The following SORCS1 variants were observed in gnomAD, a reference collection of about 807,000 sequenced individuals.
The protein encoded by SORCS1 is sortilin related VPS10 domain containing receptor 1.
Under a neutral mutation model 146.1 loss-of-function variants are expected in SORCS1, and 60 were observed. That is an observed-to-expected ratio of 0.41 (90% CI 0.33 to 0.51). The LOEUF is 0.51. SORCS1 is among the 20% of genes least tolerant of loss of function. The probability of loss-of-function intolerance (pLI) is 0.21; values close to 1 mark genes in which losing one functional copy is unlikely to be tolerated. For synonymous variants in SORCS1, 637 were observed against 584.0 expected (o/e 1.09, Z -1.31); for missense variants, 1,352 against 1,487.6 (o/e 0.91, Z 1.50).
intron 2 of SORCS1, among the ~76,000 whole-genome samples, chr10:106,939,013 T>G (rs1346305008): frequency 6.6e-6 from 1 of 152,216 alleles, no homozygotes; most frequent in African/African-American, 2.4e-5. Flanking sequence ...CCATGTAATG[T>G]AGAAGGAAGA....
intron 2 of SORCS1, among the ~76,000 whole-genome samples, chr10:106,926,017 A>G (rs1303847511): frequency 6.6e-6 from 1 of 152,246 alleles, no homozygotes; most frequent in Non-Finnish European, 1.5e-5. Context: ...GAAGAAAAAA[A>G]AGACTGAAAA....
intron 1 of SORCS1, among the ~76,000 whole-genome samples, chr10:107,020,901 C>A (rs1285765044): frequency 6.6e-6 from 1 of 152,198 alleles, no homozygotes; most frequent in Non-Finnish European, 1.5e-5. Context: ...TCTCTATATA[C>A]ATTGTACACG....
chr10:106,788,876 G>T (rs1005686883), intron 3 of SORCS1, among the ~76,000 whole-genome samples: 1 of 152,202 alleles, frequency 6.6e-6, no homozygotes, highest in Non-Finnish European at 1.5e-5. Context: ...CTGTGTGGGG[G>T]CACTGACCCA....
chr10:107,021,287 T>A (rs1057132922), intron 1 of SORCS1, among the ~76,000 whole-genome samples: 12 of 151,800 alleles, frequency 7.9e-5, no homozygotes, highest in Non-Finnish European at 1.6e-4. Flanking sequence ...CCGAGGCAGG[T>A]GGATCACGAG....
At chr10:106,741,999 T>C (rs977139325) in intron 5 of SORCS1, among the ~76,000 whole-genome samples, 2 of 152,180 alleles carry the variant, frequency 1.3e-5, no homozygotes, top group Non-Finnish European at 2.9e-5. Flanking sequence ...TGCTTTATGG[T>C]TGGGTATTGG....
intron 17 of SORCS1, among the ~76,000 whole-genome samples, chr10:106,655,689 A>G (rs1340713079): frequency 6.6e-6 from 1 of 152,172 alleles, no homozygotes; most frequent in East Asian, 1.9e-4. Flanking sequence ...ATTAAAAACC[A>G]TTCTGAAACC....
In SORCS1 at chr10:106,576,845, C is replaced by T; in HGVS notation, c.*575G>A. The T allele has an allele frequency of 1.1e-5, 2 of 175,536 alleles. No homozygotes were observed. The highest frequency in any genetic ancestry group is 1.7e-4 in the East Asian group (1 of 6,054). 10.9% of individuals were successfully genotyped at this position (175,536 alleles called of 1,614,324 possible). On this transcript the variant is annotated 3_prime_UTR_variant, in exon 26 of 26. Transcript: ENST00000263054. ...AAGGAGCTGGGGTAGCTAATCCACCCATCAGCCTTTAATGCTAAAATAGCT... is the reference window on the plus strand; with the variant it reads ...AAGGAGCTGGGGTAGCTAATCCACCTATCAGCCTTTAATGCTAAAATAGCT...
intron 23 of SORCS1, among the ~76,000 whole-genome samples, chr10:106,601,499 G>A (rs774062475): frequency 3.3e-5 from 5 of 152,118 alleles, no homozygotes; most frequent in Admixed American, 1.3e-4. Context: ...GGCTCAATTC[G>A]AATTTTAGGA....
intron 2 of SORCS1, among the ~76,000 whole-genome samples, chr10:106,900,361 A>C (rs1213092814): frequency 1.3e-5 from 2 of 152,022 alleles, no homozygotes; most frequent in Non-Finnish European, 2.9e-5. Flanking sequence ...TACAGTATAC[A>C]ATGTCCACTT....
intron 1 of SORCS1, among the ~76,000 whole-genome samples, chr10:107,152,205 G>T (rs1430542196): frequency 1.3e-5 from 2 of 152,306 alleles, no homozygotes; most frequent in East Asian, 3.9e-4. Flanking sequence ...AAGAACTGAG[G>T]TTTGTGAACC....
intron 23 of SORCS1, among the ~76,000 whole-genome samples, chr10:106,603,100 C>A (rs1052431398): frequency 5.9e-5 from 9 of 152,152 alleles, no homozygotes; most frequent in Non-Finnish European, 1.0e-4. Flanking sequence ...CACACCTAGG[C>A]TCCTTATCTC....
the SORCS1 span, among the ~76,000 whole-genome samples, chr10:107,174,287 G>T: frequency 1.3e-5 from 2 of 152,056 alleles, no homozygotes; most frequent in African/African-American, 2.4e-5. Flanking sequence ...CTCACTGCAA[G>T]CTTCGCCTCC....
intron 24 of SORCS1, among the ~76,000 whole-genome samples, chr10:106,588,753 C>CGG (rs1341049062): frequency 6.0e-5 from 9 of 150,120 alleles, no homozygotes; most frequent in African/African-American, 2.2e-4. Context: ...TCCAGCTACT[C>CGG]CGGAGGCTGA....
Position 107,164,084 on chromosome 10 carries a change from T to A in SORCS1, c.443A>T (p.Asp148Val), listed in dbSNP as rs1465253145. The A allele has an allele frequency of 6.2e-7, 1 of 1,613,702 alleles. No homozygotes were observed. Among genetic ancestry groups the A allele is most frequent in the African/African-American group, 1.3e-5 (1 of 74,898 alleles). Residue 148 changes from aspartate to valine, a missense_variant, in exon 1 of 26, where the codon GAC becomes GTC. By Grantham distance (152) the Asp-to-Val change is radical. This residue lies in a region of SORCS1 where 490 missense variants were observed against 489.1 expected (regional missense o/e 1.00). Transcript: ENST00000263054. This position sits in a 1 kb window ranked among gnomAD's most constrained non-coding sequence, Gnocchi z 6.8. ...QEPGTRERDP[D>V]KATRFRMEEL... The stretch of plus-strand genomic sequence containing the variant: ...CTCCATCCGGAAGCGGGTGGCTTTG[T>A]CCGGGTCCCGCTCCCGAGTCCCAGG...
Position 106,706,688 on chromosome 10 carries a change from G to A in SORCS1, c.1144-54C>T, listed in dbSNP as rs952052793. 3.9e-6 allele frequency: 6 copies of A among 1,532,358 alleles called. No homozygotes were observed. The African/African-American group carries it at 8.2e-5, about 21-fold the overall frequency. 94.9% of individuals were successfully genotyped at this position (1,532,358 alleles called of 1,614,324 possible). On this transcript the variant is annotated intron_variant, in intron 7 of 25. Transcript: ENST00000263054. ...GCTCGAGCTACTGTAACAGGCACAG[G>A]TCACAGAACAGTCACCTGAATGGAA...
chr10:106,892,537 A>G (rs2137913804), intron 2 of SORCS1, among the ~76,000 whole-genome samples: 1 of 152,336 alleles, frequency 6.6e-6, no homozygotes, highest in South Asian at 2.1e-4. Flanking sequence ...TTGTACATAC[A>G]TATATGTTGG....
At chr10:107,050,771 T>C (rs907728872) in intron 1 of SORCS1, among the ~76,000 whole-genome samples, 4 of 152,122 alleles carry the variant, frequency 2.6e-5, no homozygotes, top group Non-Finnish European at 5.9e-5. Context: ...CCAGGCCTTC[T>C]TAAGTATATA....
chr10:106,814,898 G>C (rs1344142546), intron 3 of SORCS1, among the ~76,000 whole-genome samples: 1 of 115,434 alleles, frequency 8.7e-6, no homozygotes, highest in Admixed American at 1.1e-4. Flanking sequence ...CTGGGCGACA[G>C]AGCGAGACTC....
At chr10:106,963,261 G>A (rs531840063) in intron 1 of SORCS1, among the ~76,000 whole-genome samples, 44 of 151,624 alleles carry the variant, frequency 2.9e-4, no homozygotes, top group African/African-American at 9.0e-4. Flanking sequence ...GACTACAGGC[G>A]CCCACCACCA....
Sources: gnomAD v4.1 joint callset for allele counts (sites outside exome capture counted in the v4.1 genomes callset) on GRCh38, gnomAD v4.1.1 for gene constraint, gnomAD v4.1.1 regional missense constraint, Gnocchi (gnomAD v3.1) non-coding constraint, MANE v1.5 for transcripts, NCBI Gene and HGNC (gene_info 2026-07-23, HGNC 2026-07-21) for gene names.